Variants in ZYG11B observed in about 807,000 individuals in gnomAD.
ZYG11B encodes the protein protein zyg-11 homolog B.
ZYG11B carries 36 observed loss-of-function variants against 82.4 expected under a neutral mutation model. That is an observed-to-expected ratio of 0.44 (90% CI 0.33 to 0.58). ZYG11B has a LOEUF of 0.58. Among genes scored for constraint, ZYG11B ranks in the 20% least tolerant of loss-of-function variants. The pLI is 0.02. For missense variants in ZYG11B, 552 were observed against 895.6 expected, an observed-to-expected ratio of 0.62 and a Z score of 4.90; for synonymous variants, 303 against 312.8, an observed-to-expected ratio of 0.97 and a Z score of 0.33.
chr1:52,820,927 C>G (rs1173423156), intron 13 of ZYG11B, among the ~76,000 whole-genome samples: 1 of 151,222 alleles, frequency 6.6e-6, no homozygotes, highest in Non-Finnish European at 1.5e-5. Flanking sequence ...ATGGTAAAAC[C>G]CCATCTCTAC....
At chr1:52,814,020 GTTAT>G (rs58646631) in intron 12 of ZYG11B, 108 bp downstream of exon 12, 111 of 989,482 alleles carry the variant, frequency 1.1e-4, no homozygotes, top group East Asian at 2.3e-4. Flanking sequence ...CTCAATATTG[GTTAT>G]TTATTTATTT....
intron 10 of ZYG11B, among the ~76,000 whole-genome samples, chr1:52,806,893 G>A (rs1558141953): frequency 1.3e-5 from 2 of 151,176 alleles, no homozygotes; most frequent in African/African-American, 4.9e-5. Flanking sequence ...TTTTGAGACG[G>A]AGTCTTGCTC....
chr1:52,726,481 C>G lies in ZYG11B; in HGVS notation c.-173C>G. 1 of 543,638 alleles carries G rather than the reference C, an allele frequency of 1.8e-6. No homozygotes were observed. 33.7% of individuals were successfully genotyped at this position (543,638 alleles called of 1,614,324 possible). On this transcript the variant is annotated 5_prime_UTR_variant, in exon 1 of 14. Coordinates refer to ENST00000294353, the MANE Select transcript of ZYG11B (RefSeq NM_024646.3). ...GTCTGCGCTCTGGTTCGGGCTGCGG[C>G]TGCGGCTGCGGCTGCGGCTGCTACT...
intron 1 of ZYG11B, among the ~76,000 whole-genome samples, chr1:52,748,075 C>T (rs964720016): frequency 5.3e-5 from 8 of 152,150 alleles, no homozygotes; most frequent in African/African-American, 1.9e-4. Context: ...TAGTTAAGAA[C>T]TTAAAAATAT....
rs767456846 is a variant in ZYG11B, at chr1:52,771,803, C to T, written c.951+29C>T. On this transcript the variant is annotated intron_variant, in intron 3 of 13. Transcript: ENST00000294353. The surrounding 1 kb of genome is among the most constrained non-coding windows in gnomAD (Gnocchi z 5.4). ...AGACTTTAAAAATGTATTATTTTGT[C>T]AGGCTGACCAATATCTTAGTTGCAT... 1 of 1,576,680 alleles carries T rather than the reference C, an allele frequency of 6.3e-7. No homozygotes were observed. Among genetic ancestry groups the T allele is most frequent in the Non-Finnish European group, 8.6e-7 (1 of 1,162,898 alleles).
intron 8 of ZYG11B, among the ~76,000 whole-genome samples, chr1:52,799,274 T>G (rs571667385): frequency 6.6e-6 from 1 of 151,614 alleles, no homozygotes; most frequent in Non-Finnish European, 1.5e-5. Flanking sequence ...GATCACAAGG[T>G]CAGGAGATCG....
chr1:52,773,627 A>ATTTTTT (rs560456264), intron 3 of ZYG11B, among the ~76,000 whole-genome samples: 4 of 29,228 alleles, frequency 1.4e-4, no homozygotes, highest in Admixed American at 8.5e-4. Context: ...ATATATATAT[A>ATTTTTT]TTTTTTTTTT....
chr1:52,767,024 T>A (rs1302121257), intron 2 of ZYG11B, among the ~76,000 whole-genome samples: 3 of 150,166 alleles, frequency 2.0e-5, no homozygotes, highest in East Asian at 2.0e-4. Context: ...AAAAAATTAT[T>A]TTATTTTATT....
intron 5 of ZYG11B, among the ~76,000 whole-genome samples, chr1:52,785,942 G>A (rs1007117595): frequency 2.6e-5 from 4 of 152,076 alleles, no homozygotes; most frequent in Non-Finnish European, 2.9e-5. Context: ...CTGGAAGCCC[G>A]TCAGACAGAA....
intron 1 of ZYG11B, among the ~76,000 whole-genome samples, chr1:52,728,602 G>A (rs1405017390): frequency 6.6e-6 from 1 of 152,198 alleles, no homozygotes; most frequent in African/African-American, 2.4e-5. Flanking sequence ...AGTGAGGTAT[G>A]ATGATATACT....
intron 10 of ZYG11B, among the ~76,000 whole-genome samples, chr1:52,803,083 TACAC>T (rs1174129140): frequency 0.013 from 482 of 38,246 alleles, 40 homozygotes; most frequent in African/African-American, 0.046. Context: ...TATATATATA[TACAC>T]ATATATATAT....
chr1:52,735,246 A>G (rs1175544232), intron 1 of ZYG11B, among the ~76,000 whole-genome samples: 4 of 149,010 alleles, frequency 2.7e-5, no homozygotes, highest in African/African-American at 5.0e-5. Flanking sequence ...TCAGGCTGGT[A>G]TCGAACTCCC....
intron 1 of ZYG11B, among the ~76,000 whole-genome samples, chr1:52,748,534 A>G (rs1228498309): frequency 1.3e-5 from 2 of 152,218 alleles, no homozygotes; most frequent in Non-Finnish European, 2.9e-5. Context: ...AGAAATTAGG[A>G]AAGACATCAC....
At chr1:52,730,516 A>G (rs1463071430) in intron 1 of ZYG11B, among the ~76,000 whole-genome samples, 2 of 152,094 alleles carry the variant, frequency 1.3e-5, no homozygotes, top group Non-Finnish European at 2.9e-5. Flanking sequence ...TTGTGTAGAG[A>G]AGAGATCTCC....
At chr1:52,755,885 C>T (rs972963137) in intron 1 of ZYG11B, among the ~76,000 whole-genome samples, 4 of 151,766 alleles carry the variant, frequency 2.6e-5, no homozygotes, top group Non-Finnish European at 5.9e-5. Flanking sequence ...CTACAACTTC[C>T]GCCTCTTGGA....
intron 1 of ZYG11B, among the ~76,000 whole-genome samples, chr1:52,740,730 A>AT (rs1415793887): frequency 1.3e-5 from 2 of 151,678 alleles, no homozygotes; most frequent in African/African-American, 2.4e-5. Context: ...CCCTTAGCTA[A>AT]TTTTTTGTAT....
At chr1:52,809,165 T>G (rs898681413) in intron 10 of ZYG11B, among the ~76,000 whole-genome samples, 19 of 151,390 alleles carry the variant, frequency 1.3e-4, no homozygotes, top group African/African-American at 4.6e-4. Context: ...TGTTTTAAAT[T>G]GTGGTAAACA....
chr1:52,802,286 C>G, intron 10 of ZYG11B, 147 bp downstream of exon 10: 1 of 576,452 alleles, frequency 1.7e-6, no homozygotes, highest in Non-Finnish European at 3.0e-6. Flanking sequence ...ATTCCCAATA[C>G]CTCACCATGA....
chr1:52,801,749 G>T, intron 8 of ZYG11B, 70 bp from the exon 9 acceptor site: 3 of 1,312,204 alleles, frequency 2.3e-6, no homozygotes, highest in South Asian at 1.5e-5. Flanking sequence ...TGGACTTGGG[G>T]TTATTAATCA....
Sources: gnomAD v4.1 joint callset for allele counts (sites outside exome capture counted in the v4.1 genomes callset) on GRCh38, gnomAD v4.1.1 for gene constraint, Gnocchi (gnomAD v3.1) non-coding constraint, MANE v1.5 for transcripts, NCBI Gene and HGNC (gene_info 2026-07-23, HGNC 2026-07-21) for gene names.